Variants in OSTN observed in about 807,000 individuals in gnomAD.
OSTN encodes osteocrin.
OSTN carries 9 observed loss-of-function variants against 12.0 expected under a neutral mutation model. The observed-to-expected ratio is 0.75, with a 90% CI of 0.45 to 1.30. OSTN has a LOEUF of 1.30. OSTN is among the 50% of genes most tolerant of loss of function. The pLI is 0.00. For synonymous variants in OSTN, 59 were observed against 56.9 expected, an observed-to-expected ratio of 1.04 and a Z score of -0.16; for missense variants, 148 against 152.3, an observed-to-expected ratio of 0.97 and a Z score of 0.15.
intron 4 of OSTN, among the ~76,000 whole-genome samples, chr3:191,252,007 C>T (rs1298478889): frequency 6.6e-6 from 1 of 152,124 alleles, no homozygotes; most frequent in African/African-American, 2.4e-5. Context: ...TTTTTTAGTT[C>T]AACCACAACG....
At chr3:191,261,729 T>C (rs1715814761) in intron 4 of OSTN, among the ~76,000 whole-genome samples, 1 of 152,232 alleles carries the variant, frequency 6.6e-6, no homozygotes, top group South Asian at 2.1e-4. Flanking sequence ...GGACGATAAT[T>C]TGCTATTTAT....
intron 4 of OSTN, among the ~76,000 whole-genome samples, chr3:191,251,501 A>G (rs1236405318): frequency 2.0e-5 from 3 of 152,068 alleles, no homozygotes; most frequent in Non-Finnish European, 4.4e-5. Context: ...CCCCAAAAGT[A>G]TCATATTAGC....
At chr3:191,247,620 T>C (rs1715463585) in intron 3 of OSTN, among the ~76,000 whole-genome samples, 1 of 152,236 alleles carries the variant, frequency 6.6e-6, no homozygotes, top group African/African-American at 2.4e-5. Flanking sequence ...TTCTGTAATA[T>C]TGTTTGAGTA....
At chr3:191,207,296 G>A (rs1402338038) in intron 1 of OSTN, among the ~76,000 whole-genome samples, 1 of 151,966 alleles carries the variant, frequency 6.6e-6, no homozygotes, top group Non-Finnish European at 1.5e-5. Context: ...TAGTACCTTT[G>A]TGAATTTCTA....
At chr3:191,231,618 A>C (rs1475770614) in intron 3 of OSTN, among the ~76,000 whole-genome samples, 5 of 152,206 alleles carry the variant, frequency 3.3e-5, no homozygotes, top group Non-Finnish European at 5.9e-5. Context: ...TATACGCATG[A>C]GTGTGCACAA....
intron 3 of OSTN, among the ~76,000 whole-genome samples, chr3:191,234,405 G>A (rs1010787675): frequency 6.6e-6 from 1 of 152,040 alleles, no homozygotes; most frequent in South Asian, 2.1e-4. Context: ...CTTGAGAAAA[G>A]TAGTGACTTG....
chr3:191,205,821 G>T (rs1714260291), intron 1 of OSTN, among the ~76,000 whole-genome samples: 1 of 152,046 alleles, frequency 6.6e-6, no homozygotes, highest in Non-Finnish European at 1.5e-5. Flanking sequence ...AACAATTTTT[G>T]TTTTGAAAGG....
Position 191,218,747 on chromosome 3 carries a change from G to C in OSTN, c.103G>C (p.Ala35Pro). Residue 35 changes from alanine (A) to proline (P), a missense_variant and splice_region_variant, in exon 3 of 5, where the codon GCC becomes CCC. Transcript: ENST00000682035. ...GGAATCGCCTTTCTCTGCCTTATAG[G>C]CCTTTGATTCTGGAGTCATAGATGT... ...VLSVDVTTTE[A>P]FDSGVIDVQS... 6.2e-7 allele frequency: 1 copy of C among 1,613,202 alleles called. No individual in the cohort carries two copies. Among genetic ancestry groups the C allele is most frequent in the Non-Finnish European group, 8.5e-7 (1 of 1,179,382 alleles).
chr3:191,241,236 T>C (rs1715314203), intron 3 of OSTN, among the ~76,000 whole-genome samples: 2 of 131,962 alleles, frequency 1.5e-5, no homozygotes, highest in South Asian at 2.7e-4. Flanking sequence ...TGGAGTGCAG[T>C]GGCGCGATCT....
intron 3 of OSTN, among the ~76,000 whole-genome samples, chr3:191,221,802 C>A (rs769848512): frequency 6.6e-5 from 10 of 152,186 alleles, no homozygotes; most frequent in Admixed American, 6.5e-5. Context: ...AATCACCAAG[C>A]CAATGGGGAA....
At chr3:191,236,218 T>C (rs1289797737) in intron 3 of OSTN, among the ~76,000 whole-genome samples, 2 of 152,236 alleles carry the variant, frequency 1.3e-5, no homozygotes, top group Non-Finnish European at 2.9e-5. Context: ...GTCTCTTTTT[T>C]ACTCAGCCTT....
chr3:191,263,983 A>AT lies in OSTN; in HGVS notation c.*1131dup, dbSNP rs1323133352. The stretch of plus-strand genomic sequence containing the variant: ...ACTTTCTATGGAACAGAGATTCATC[A>AT]TAAGTTACTTAGCAGAAGTTTATAA... On this transcript the variant is annotated 3_prime_UTR_variant, in exon 5 of 5. Transcript: ENST00000682035. The AT allele has an allele frequency of 6.6e-6, 1 of 152,158 alleles. No homozygotes were observed. Among genetic ancestry groups the AT allele is most frequent in the Non-Finnish European group, 1.5e-5 (1 of 67,994 alleles). 9.4% of individuals were successfully genotyped at this position (152,158 alleles called of 1,614,324 possible). A position where few individuals can be genotyped will look rare whatever the true frequency, so the allele number is the denominator to read the frequency against.
At chr3:191,239,427 A>G (rs780517447) in intron 3 of OSTN, among the ~76,000 whole-genome samples, 81 of 152,232 alleles carry the variant, frequency 5.3e-4, no homozygotes, top group Non-Finnish European at 8.2e-4. Flanking sequence ...TCTAGACCCT[A>G]TTTTCCTGCC....
intron 1 of OSTN, among the ~76,000 whole-genome samples, chr3:191,199,968 G>C (rs1714117275): frequency 6.6e-6 from 1 of 152,050 alleles, no homozygotes; most frequent in Non-Finnish European, 1.5e-5. Flanking sequence ...TTTATTTCAG[G>C]TTTAGTGTGC....
rs1185007058 is a variant in OSTN, at chr3:191,248,141, C to A, written c.318-1896C>A. ...GAGCCACTGCGCCGGGCCTCCGAGA[C>A]CTTTAATAAGTTATTTACTTCATAG... On this transcript the variant is annotated intron_variant, in intron 3 of 4. Coordinates refer to ENST00000682035, the MANE Select transcript of OSTN (RefSeq NM_198184.2). Among the ~76,000 whole-genome samples the A allele has an allele frequency of 2.0e-5, 3 of 151,938 alleles. No individual in the cohort carries two copies. The East Asian group carries it at 5.8e-4, about 29-fold the overall frequency.
chr3:191,258,178 A>T (rs1715711749), intron 4 of OSTN, among the ~76,000 whole-genome samples: 1 of 152,234 alleles, frequency 6.6e-6, no homozygotes, highest in Non-Finnish European at 1.5e-5. Context: ...TCAAAGGAAG[A>T]TTAAAAATGA....
At chr3:191,257,944 G>A (rs944040163) in intron 4 of OSTN, among the ~76,000 whole-genome samples, 1 of 152,130 alleles carries the variant, frequency 6.6e-6, no homozygotes, top group Non-Finnish European at 1.5e-5. Flanking sequence ...ACAAGGTATA[G>A]CATACACATC....
At chr3:191,232,719 G>C (rs1715092544) in intron 3 of OSTN, among the ~76,000 whole-genome samples, 3 of 151,196 alleles carry the variant, frequency 2.0e-5, no homozygotes, top group Admixed American at 2.0e-4. Flanking sequence ...TCCTGCCTCA[G>C]CCTCCCAAGT....
chr3:191,221,171 T>C (rs1021909122), intron 3 of OSTN, among the ~76,000 whole-genome samples: 13 of 152,164 alleles, frequency 8.5e-5, no homozygotes, highest in African/African-American at 3.1e-4. Flanking sequence ...TCTGCCATGA[T>C]TGTAAGTTTC....
Sources: allele counts gnomAD v4.1 joint callset (sites outside exome capture counted in the v4.1 genomes callset), GRCh38; gene constraint gnomAD v4.1.1; transcripts MANE v1.5; gene names NCBI Gene and HGNC (gene_info 2026-07-23, HGNC 2026-07-21).